Variants in RIMBP2 observed in about 807,000 individuals in gnomAD.
RIMBP2 encodes RIMS binding protein 2.
RIMBP2 carries 48 observed loss-of-function variants against 118.6 expected under a neutral mutation model. That is an observed-to-expected ratio of 0.40 (90% confidence interval 0.32 to 0.51). RIMBP2 has a LOEUF of 0.51. Ranked by LOEUF, RIMBP2 falls within the 20% of genes least tolerant of loss-of-function variation. The probability of loss-of-function intolerance (pLI) is 0.41; values close to 1 mark genes in which losing one functional copy is unlikely to be tolerated. For missense variants in RIMBP2, 1,551 were observed against 1,768.3 expected (o/e 0.88, Z 2.20); for synonymous variants, 762 against 742.9 (o/e 1.03, Z -0.42).
At chr12:130,652,120 T>A (rs1375216852) in intron 1 of RIMBP2, among the ~76,000 whole-genome samples, 2 of 152,226 alleles carry the variant, frequency 1.3e-5, no homozygotes, top group East Asian at 3.9e-4. Context: ...TATAAGAGGA[T>A]CTGAAGCTAT....
intron 2 of RIMBP2, among the ~76,000 whole-genome samples, chr12:130,626,284 T>C (rs919173088): frequency 3.3e-5 from 5 of 152,174 alleles, no homozygotes; most frequent in African/African-American, 1.2e-4. Context: ...ACTGAACACA[T>C]ACTGGCTGGA....
At chr12:130,516,828 A>T (rs1393743021) in intron 3 of RIMBP2, among the ~76,000 whole-genome samples, 1 of 152,220 alleles carries the variant, frequency 6.6e-6, no homozygotes, top group African/African-American at 2.4e-5. Context: ...TGCATGATCC[A>T]GAGGGCATCA....
intron 2 of RIMBP2, among the ~76,000 whole-genome samples, chr12:130,532,202 T>C (rs1250767325): frequency 1.5e-5 from 2 of 135,560 alleles, no homozygotes; most frequent in East Asian, 2.4e-4. Flanking sequence ...TGCGTGTGTG[T>C]AGCCTCTAGG....
chr12:130,497,900 C>T (rs1280721083), intron 4 of RIMBP2, among the ~76,000 whole-genome samples: 3 of 152,182 alleles, frequency 2.0e-5, no homozygotes, highest in Non-Finnish European at 2.9e-5. Context: ...GTGGGGAGAT[C>T]CTTGTCTGAC....
intron 2 of RIMBP2, among the ~76,000 whole-genome samples, chr12:130,567,133 A>G (rs1442726851): frequency 6.6e-6 from 1 of 152,240 alleles, no homozygotes; most frequent in Non-Finnish European, 1.5e-5. Context: ...GCCAGGGAAA[A>G]TTAAAATTCT....
At chr12:130,594,513 T>G (rs746459420) in intron 2 of RIMBP2, among the ~76,000 whole-genome samples, 5 of 152,168 alleles carry the variant, frequency 3.3e-5, no homozygotes, top group African/African-American at 4.8e-5. Context: ...GAAGAAGAAT[T>G]GTCTTGGGCC....
rs2076451027 is a variant in RIMBP2, at chr12:130,422,088, G to A, written c.3238+365C>T. ...CCTCGGGTGGGGCTCACAGACCCCTGAGGCACGCTGACATCCAGCTTCTGC... is the reference window on the plus strand; with the variant it reads ...CCTCGGGTGGGGCTCACAGACCCCTAAGGCACGCTGACATCCAGCTTCTGC... On this transcript the variant is annotated intron_variant, in intron 17 of 22. Coordinates refer to ENST00000690449, the MANE Select transcript of RIMBP2 (RefSeq NM_001393629.1). The surrounding 1 kb of genome is among the most constrained non-coding windows in gnomAD (Gnocchi z 5.2). 1.3e-5 allele frequency among the ~76,000 whole-genome samples: 2 copies of A among 152,154 alleles called. No homozygotes were observed. Among genetic ancestry groups the A allele is most frequent in the African/African-American group, 4.8e-5 (2 of 41,436 alleles).
chr12:130,543,363 C>A (rs1335153063), intron 2 of RIMBP2, among the ~76,000 whole-genome samples: 1 of 152,072 alleles, frequency 6.6e-6, no homozygotes, highest in East Asian at 1.9e-4. Flanking sequence ...ATCTCATGTT[C>A]TGGGAAAAAC....
chr12:130,664,465 A>ACACACACATG (rs74195662), intron 1 of RIMBP2, among the ~76,000 whole-genome samples: 15,958 of 110,032 alleles, frequency 0.15, 1,223 homozygotes, highest in Admixed American at 0.16. Context: ...ATGCACGCAC[A>ACACACACATG]CACACGCACG....
chr12:130,412,409 C>G (rs940005187), intron 19 of RIMBP2, among the ~76,000 whole-genome samples: 1 of 152,184 alleles, frequency 6.6e-6, no homozygotes, highest in Non-Finnish European at 1.5e-5. Flanking sequence ...TTAGGTGTAT[C>G]TGTGTCCCTA....
chr12:130,549,601 A>G (rs10848144), intron 2 of RIMBP2, among the ~76,000 whole-genome samples: 1 of 152,066 alleles, frequency 6.6e-6, no homozygotes, highest in Non-Finnish European at 1.5e-5. Context: ...AAGTGAGAAC[A>G]TGCAGTATTT....
intron 2 of RIMBP2, among the ~76,000 whole-genome samples, chr12:130,624,129 C>T (rs541267114): frequency 6.6e-6 from 1 of 152,280 alleles, no homozygotes; most frequent in South Asian, 2.1e-4. Context: ...AGGTTGGGTG[C>T]CAATGTACTC....
chr12:130,414,841 G>C (rs12821856), intron 17 of RIMBP2: 32,901 of 152,818 alleles, frequency 0.22, 4,111 homozygotes, highest in Middle Eastern at 0.35. Flanking sequence ...TTCCAAAAGT[G>C]GTTCTTTTGG....
chr12:130,709,889 T>G (rs939424018), intron 1 of RIMBP2, among the ~76,000 whole-genome samples: 1 of 152,042 alleles, frequency 6.6e-6, no homozygotes, highest in Non-Finnish European at 1.5e-5. Context: ...GGGCTTTCTT[T>G]TTGGTAGCAC....
At chr12:130,512,342 T>G (rs566703527) in intron 3 of RIMBP2, among the ~76,000 whole-genome samples, 1 of 152,112 alleles carries the variant, frequency 6.6e-6, no homozygotes, top group Non-Finnish European at 1.5e-5. Context: ...TTTTTTTTCT[T>G]GAGAGAGCCT....
At chr12:130,496,057 GCA>G (rs1402763002) in intron 4 of RIMBP2, among the ~76,000 whole-genome samples, 30 of 152,302 alleles carry the variant, frequency 2.0e-4, no homozygotes, top group African/African-American at 7.0e-4. Context: ...GTGGACCACG[GCA>G]GAGAGTACGT....
chr12:130,615,272 C>CATATATATATAT (rs1555309104), intron 2 of RIMBP2, among the ~76,000 whole-genome samples: 135 of 38,754 alleles, frequency 3.5e-3, no homozygotes, highest in Admixed American at 6.2e-3. Context: ...ACATAATACA[C>CATATATATATAT]ATACATATAT....
intron 13 of RIMBP2, among the ~76,000 whole-genome samples, chr12:130,435,545 C>T (rs796690589): frequency 1.3e-5 from 2 of 152,150 alleles, no homozygotes; most frequent in African/African-American, 4.8e-5. Flanking sequence ...GAAGTGGAGC[C>T]GCATCCCACA....
chr12:130,550,574 G>A (rs2055663483), intron 2 of RIMBP2, among the ~76,000 whole-genome samples: 1 of 152,164 alleles, frequency 6.6e-6, no homozygotes, highest in Admixed American at 6.5e-5. Flanking sequence ...GTATACTCCT[G>A]AACAACTATG....
Sources: allele counts gnomAD v4.1 joint callset (sites outside exome capture counted in the v4.1 genomes callset), GRCh38; gene constraint gnomAD v4.1.1; non-coding constraint Gnocchi (gnomAD v3.1); transcripts MANE v1.5; gene names NCBI Gene and HGNC (gene_info 2026-07-23, HGNC 2026-07-21).